Variants in NOL4 observed in about 807,000 individuals in gnomAD.
NOL4 encodes the protein nucleolar protein 4.
In NOL4, 17 loss-of-function variants were observed where a neutral mutation model predicts 75.9. The ratio of observed to expected loss-of-function variants is 0.22; its 90% CI spans 0.15 to 0.34. The LOEUF (loss-of-function observed/expected upper bound fraction) is 0.34, where lower values mean the gene tolerates loss of function less well. Among genes scored for constraint, NOL4 ranks in the 10% least tolerant of loss-of-function variants. The pLI, the probability that NOL4 is intolerant of heterozygous loss-of-function variation, is 1.00. For synonymous variants in NOL4, 292 were observed against 289.9 expected (o/e 1.01, Z -0.07); for missense variants, 614 against 793.5 (o/e 0.77, Z 2.72).
At chr18:34,080,635 T>C (rs1486638841) in intron 5 of NOL4, among the ~76,000 whole-genome samples, 1 of 152,162 alleles carries the variant, frequency 6.6e-6, no homozygotes, top group Non-Finnish European at 1.5e-5. Flanking sequence ...TCCTTGTCCA[T>C]CATATTCATC....
At chr18:33,873,398 T>C (rs2063787331) in intron 10 of NOL4, among the ~76,000 whole-genome samples, 1 of 151,964 alleles carries the variant, frequency 6.6e-6, no homozygotes, top group African/African-American at 2.4e-5. Flanking sequence ...AAGCACATTT[T>C]CCTATGACCC....
chr18:33,854,010 T>C (rs1196844063), intron 10 of NOL4, among the ~76,000 whole-genome samples: 2 of 152,170 alleles, frequency 1.3e-5, no homozygotes, highest in Non-Finnish European at 2.9e-5. Context: ...TTTACTGTAG[T>C]TATTAAATTT....
chr18:33,872,289 T>C (rs560035268), intron 10 of NOL4, among the ~76,000 whole-genome samples: 1 of 152,126 alleles, frequency 6.6e-6, no homozygotes, highest in East Asian at 1.9e-4. Flanking sequence ...TAAGTAATCC[T>C]AGCCTATGCC....
At chr18:34,037,835 G>A (rs1160740101) in intron 5 of NOL4, among the ~76,000 whole-genome samples, 2 of 151,970 alleles carry the variant, frequency 1.3e-5, no homozygotes, top group Non-Finnish European at 2.9e-5. Flanking sequence ...GACTGGTCTA[G>A]GCAAAGGTTT....
intron 5 of NOL4, among the ~76,000 whole-genome samples, chr18:34,064,899 A>T (rs1354599468): frequency 6.7e-6 from 1 of 150,042 alleles, no homozygotes; most frequent in Non-Finnish European, 1.5e-5. Context: ...CATGAGTTTT[A>T]TTCCCTATGG....
intron 5 of NOL4, among the ~76,000 whole-genome samples, chr18:34,049,572 A>C (rs188709317): frequency 6.6e-6 from 1 of 152,220 alleles, no homozygotes; most frequent in Non-Finnish European, 1.5e-5. Context: ...TCCCAGCAGC[A>C]GAGGTTCAGT....
intron 1 of NOL4, among the ~76,000 whole-genome samples, chr18:34,150,586 A>C (rs2081598993): frequency 6.6e-6 from 1 of 151,742 alleles, no homozygotes; most frequent in African/African-American, 2.4e-5. Flanking sequence ...AAGAAAACTG[A>C]AAATGAATCC....
intron 9 of NOL4, among the ~76,000 whole-genome samples, chr18:33,935,375 T>C (rs540324576): frequency 3.3e-5 from 5 of 152,244 alleles, no homozygotes; most frequent in African/African-American, 1.2e-4. Flanking sequence ...GCATTATCAA[T>C]TGGCCTAATT....
intron 6 of NOL4, among the ~76,000 whole-genome samples, chr18:33,976,421 A>T (rs1454962804): frequency 6.6e-6 from 1 of 152,208 alleles, no homozygotes; most frequent in East Asian, 1.9e-4. Flanking sequence ...TTAAAATGTC[A>T]ATCCTAGATT....
At chr18:33,915,513 G>C (rs1029773739) in intron 9 of NOL4, among the ~76,000 whole-genome samples, 3 of 152,098 alleles carry the variant, frequency 2.0e-5, no homozygotes, top group African/African-American at 4.8e-5. Flanking sequence ...GGAGGAGAGA[G>C]AGCAGGGAGA....
At chr18:33,940,611 T>C (rs148873015) in intron 9 of NOL4, among the ~76,000 whole-genome samples, 3,942 of 151,986 alleles carry the variant, frequency 0.026, 64 homozygotes, top group Non-Finnish European at 0.028. Context: ...GATGGGTTGA[T>C]GGGTGAAGCA....
At chr18:34,042,049 A>G (rs1202287373) in intron 5 of NOL4, among the ~76,000 whole-genome samples, 1 of 152,022 alleles carries the variant, frequency 6.6e-6, no homozygotes, top group Non-Finnish European at 1.5e-5. Context: ...TGAAGTCAGG[A>G]GCAAAAAATG....
intron 5 of NOL4, among the ~76,000 whole-genome samples, chr18:34,059,125 AT>A (rs1242965982): frequency 6.1e-5 from 2 of 32,820 alleles, no homozygotes; most frequent in African/African-American, 1.1e-4. Flanking sequence ...AGATATACAT[AT>A]ATATATATAT....
chr18:34,090,291 G>A (rs2078450327), intron 5 of NOL4, among the ~76,000 whole-genome samples: 1 of 152,138 alleles, frequency 6.6e-6, no homozygotes, highest in African/African-American at 2.4e-5. Flanking sequence ...TGAAGCCAAT[G>A]AAAGGAAAAC....
At chr18:34,195,038 AAAG>A (rs1030537273) in intron 1 of NOL4, among the ~76,000 whole-genome samples, 5 of 151,834 alleles carry the variant, frequency 3.3e-5, no homozygotes, top group South Asian at 2.1e-4. Flanking sequence ...CAAAAAAAAA[AAAG>A]AAAGAAAAGA....
At chr18:34,199,574 C>A (rs1275414665) in intron 1 of NOL4, among the ~76,000 whole-genome samples, 1 of 151,810 alleles carries the variant, frequency 6.6e-6, no homozygotes, top group Admixed American at 6.6e-5. Context: ...CCAGCCCAAA[C>A]CATAAAAGCC....
At chr18:33,954,362 A>G (rs1287445973) in intron 8 of NOL4, among the ~76,000 whole-genome samples, 3 of 152,110 alleles carry the variant, frequency 2.0e-5, no homozygotes, top group African/African-American at 7.2e-5. Flanking sequence ...GGCTGACTAC[A>G]CAGTGGTGAG....
intron 2 of NOL4, among the ~76,000 whole-genome samples, chr18:34,108,945 C>T (rs2079451097): frequency 6.6e-6 from 1 of 151,922 alleles, no homozygotes; most frequent in Non-Finnish European, 1.5e-5. Context: ...TATGTTAGGC[C>T]ACAAAACAAG....
chr18:34,163,980 A>G (rs942289421), intron 1 of NOL4, among the ~76,000 whole-genome samples: 1 of 152,246 alleles, frequency 6.6e-6, no homozygotes, highest in African/African-American at 2.4e-5. Flanking sequence ...GAGAAAAACA[A>G]GCAATGGGGA....
Sources: allele counts gnomAD v4.1 joint callset (sites outside exome capture counted in the v4.1 genomes callset), GRCh38; gene constraint gnomAD v4.1.1; transcripts MANE v1.5; gene names NCBI Gene and HGNC (gene_info 2026-07-23, HGNC 2026-07-21).